SASH1: variants seen among roughly 807,000 people sequenced by gnomAD.
The protein encoded by SASH1 is SAM and SH3 domain containing 1, also known as SAM and SH3 domain-containing protein 1.
In SASH1, 44 loss-of-function variants were observed where a neutral mutation model predicts 125.2. The ratio of observed to expected loss-of-function variants is 0.35; its 90% CI spans 0.28 to 0.45. The LOEUF is 0.45. SASH1 is among the 20% of genes least tolerant of loss of function. The pLI, the probability that SASH1 is intolerant of heterozygous loss-of-function variation, is 1.00. For synonymous variants in SASH1, 639 were observed against 649.1 expected (o/e 0.98, Z 0.24); for missense variants, 1,426 against 1,614.5 (o/e 0.88, Z 2.00).
chr6:148,425,807 C>T (rs903002170), intron 2 of SASH1, among the ~76,000 whole-genome samples: 2 of 149,148 alleles, frequency 1.3e-5, no homozygotes, highest in South Asian at 2.2e-4. Flanking sequence ...TCTTGGCTCA[C>T]GGCAACCTCT....
the SASH1 span, among the ~76,000 whole-genome samples, chr6:148,252,246 T>C: frequency 6.6e-6 from 1 of 152,258 alleles, no homozygotes; most frequent in Middle Eastern, 3.4e-3. Context: ...CAAAAACTTC[T>C]TTCTACAGAG....
chr6:148,425,436 A>G (rs1775770604), intron 2 of SASH1, among the ~76,000 whole-genome samples: 1 of 152,154 alleles, frequency 6.6e-6, no homozygotes, highest in African/African-American at 2.4e-5. Context: ...AACAATTTTT[A>G]CCTCTTAGTT....
At chr6:148,368,770 G>GCACGCGCGCACACACACACACACACA (rs1554245333) in intron 1 of SASH1, among the ~76,000 whole-genome samples, 5 of 135,720 alleles carry the variant, frequency 3.7e-5, no homozygotes, top group Admixed American at 7.5e-5. Flanking sequence ...GCACGCGCGC[G>GCACGCGCGCACACACACACACACACA]CACACACACA....
intron 2 of SASH1, among the ~76,000 whole-genome samples, chr6:148,394,670 G>A (rs1368537299): frequency 6.6e-6 from 1 of 151,760 alleles, no homozygotes; most frequent in African/African-American, 2.4e-5. Context: ...TTGAGATGGA[G>A]TTTCACTTTT....
chr6:148,484,625 G>C (rs1778764850), intron 7 of SASH1, among the ~76,000 whole-genome samples: 1 of 146,710 alleles, frequency 6.8e-6, no homozygotes, highest in Non-Finnish European at 1.5e-5. Flanking sequence ...AAAACACTTA[G>C]AGTTGTGTAA....
intron 8 of SASH1, chr6:148,508,835 C>T (rs961104710): frequency 3.1e-6 from 4 of 1,278,124 alleles, no homozygotes; most frequent in Non-Finnish European, 4.1e-6. Context: ...AGGTACAGGA[C>T]GTCTTCAGAA....
the SASH1 span, among the ~76,000 whole-genome samples, chr6:148,215,728 G>T: frequency 6.6e-6 from 1 of 152,102 alleles, no homozygotes; most frequent in Non-Finnish European, 1.5e-5. Flanking sequence ...ATCCCCAGAC[G>T]TCAGGGTCAA....
chr6:148,288,688 T>G (rs867489165), intron 1 of SASH1, among the ~76,000 whole-genome samples: 2 of 33,688 alleles, frequency 5.9e-5, no homozygotes, highest in African/African-American at 2.4e-4. Context: ...CACACGTGTA[T>G]GTACACACAC....
chr6:148,230,737 T>C, the SASH1 span, among the ~76,000 whole-genome samples: 1 of 152,242 alleles, frequency 6.6e-6, no homozygotes, highest in Non-Finnish European at 1.5e-5. Context: ...ATTGTGGTTT[T>C]GATTTGAATT....
chr6:148,220,413 T>TC, the SASH1 span, among the ~76,000 whole-genome samples: 1 of 152,154 alleles, frequency 6.6e-6, no homozygotes, highest in African/African-American at 2.4e-5. Flanking sequence ...GACTTAATCA[T>TC]CCATGACAAT....
At chr6:148,404,950 G>C (rs1784319247) in intron 2 of SASH1, among the ~76,000 whole-genome samples, 1 of 151,628 alleles carries the variant, frequency 6.6e-6, no homozygotes, top group Non-Finnish European at 1.5e-5. Flanking sequence ...CAGAATAGCA[G>C]AGAGGAAAAA....
intron 13 of SASH1, among the ~76,000 whole-genome samples, chr6:148,531,866 G>A (rs981461238): frequency 6.6e-6 from 1 of 151,732 alleles, no homozygotes; most frequent in African/African-American, 2.4e-5. Context: ...CAAAACAGGA[G>A]GTGATGAATT....
At chr6:148,211,840 T>C in the SASH1 span, among the ~76,000 whole-genome samples, 2 of 152,288 alleles carry the variant, frequency 1.3e-5, no homozygotes, top group Admixed American at 6.5e-5. Context: ...ACTGCCACCA[T>C]GCGCTGGAAG....
intron 13 of SASH1, 96 bp downstream of exon 13, chr6:148,531,757 C>A: frequency 3.0e-6 from 3 of 1,014,410 alleles, no homozygotes; most frequent in South Asian, 3.8e-5. Context: ...TGAATAAGAC[C>A]AAGTCCTGCC....
Position 148,524,212 on chromosome 6 carries a change from C to T in SASH1, c.1210-1079C>T, listed in dbSNP as rs1332945908. Among the ~76,000 whole-genome samples, 9 of 137,936 alleles carry T rather than the reference C, an allele frequency of 6.5e-5. No individual in the cohort carries two copies. In the East Asian group the frequency reaches 1.0e-3, roughly 16 times the overall value. The allele number at this position is 137,936 out of a possible 152,430, so 90.5% of individuals were successfully genotyped here. ...ACCATTGAAAATAATGGCAAAACTG[C>T]GATTACTTTTGCACCAACCTAATAC... On this transcript the variant is annotated intron_variant, in intron 10 of 19. Coordinates refer to ENST00000367467, the MANE Select transcript of SASH1 (RefSeq NM_015278.5).
chr6:148,348,502 G>GA (rs1480738857), intron 1 of SASH1, among the ~76,000 whole-genome samples: 10 of 152,182 alleles, frequency 6.6e-5, no homozygotes, highest in African/African-American at 2.4e-4. Context: ...GCTCTATGGG[G>GA]ACGGAGTGAG....
At chr6:148,387,905 ATT>A (rs71004291) in intron 1 of SASH1, among the ~76,000 whole-genome samples, 168 of 54,010 alleles carry the variant, frequency 3.1e-3, no homozygotes, top group East Asian at 9.3e-3. Context: ...CGCCCTGCTA[ATT>A]TTTTTTTTTT....
chr6:148,520,169 G>A (rs192990405), intron 10 of SASH1: 5 of 417,818 alleles, frequency 1.2e-5, no homozygotes, highest in Non-Finnish European at 2.2e-5. Flanking sequence ...CGGTCAGCGA[G>A]TTCAATATCA....
At chr6:148,285,163 G>T (rs1273839314) in intron 1 of SASH1, among the ~76,000 whole-genome samples, 1 of 152,166 alleles carries the variant, frequency 6.6e-6, no homozygotes, top group East Asian at 1.9e-4. Flanking sequence ...AAGGATATAT[G>T]GTCTTCCTGT....
Sources: allele counts gnomAD v4.1 joint callset (sites outside exome capture counted in the v4.1 genomes callset), GRCh38; gene constraint gnomAD v4.1.1; transcripts MANE v1.5; gene names NCBI Gene and HGNC (gene_info 2026-07-23, HGNC 2026-07-21).